The following RP1 variants were observed in gnomAD, a reference collection of about 807,000 sequenced individuals.
RP1 encodes RP1 axonemal microtubule associated, also known as oxygen-regulated protein 1.
A neutral mutation model predicts 14.8 loss-of-function variants in RP1; 16 were observed. The observed-to-expected ratio is 1.08, with a 90% CI of 0.73 to 1.65. The LOEUF (loss-of-function observed/expected upper bound fraction) is 1.65, where lower values mean the gene tolerates loss of function less well. Ranked by LOEUF, RP1 falls within the 40% of genes most tolerant of loss-of-function variation. The probability of loss-of-function intolerance (pLI) is 0.00; values close to 1 mark genes in which losing one functional copy is unlikely to be tolerated. For missense variants in RP1, 2,631 were observed against 2,535.0 expected (o/e 1.04, Z -0.81); for synonymous variants, 876 against 883.6 (o/e 0.99, Z 0.15).
chr8:54,727,090 A>G (rs1449670554), intron 17 of RP1, among the ~76,000 whole-genome samples: 1 of 152,148 alleles, frequency 6.6e-6, no homozygotes, highest in Non-Finnish European at 1.5e-5. Context: ...TGGGAGACAG[A>G]TAAATTATAA....
At chr8:54,692,287 G>T (rs1000163653) in intron 12 of RP1, among the ~76,000 whole-genome samples, 25 of 149,426 alleles carry the variant, frequency 1.7e-4, no homozygotes, top group Non-Finnish European at 3.3e-4. Flanking sequence ...ACATGTGCAT[G>T]TGTCTTTATA....
intron 23 of RP1, among the ~76,000 whole-genome samples, chr8:54,777,088 G>C: frequency 6.6e-6 from 1 of 152,248 alleles, no homozygotes; most frequent in South Asian, 2.1e-4. Flanking sequence ...GTTTCTTTCC[G>C]ATAAAATGTA....
intron 24 of RP1, among the ~76,000 whole-genome samples, chr8:54,822,452 T>G (rs1811279469): frequency 6.6e-6 from 1 of 152,234 alleles, no homozygotes; most frequent in East Asian, 1.9e-4. Flanking sequence ...TATTAACAAT[T>G]TAGTTTAAAT....
In RP1 at chr8:54,734,137, T is replaced by C. The variant is rs7004167; in HGVS notation, c.2522-408T>C. Among the ~76,000 whole-genome samples, 773 of 152,296 alleles carry C rather than the reference T, an allele frequency of 5.1e-3. 10 individuals are homozygous for C. Among genetic ancestry groups the C allele is most frequent in the African/African-American group, 0.018 (739 of 41,550 alleles). On this transcript the variant is annotated intron_variant, in intron 17 of 22. Coordinates refer to the RP1 transcript ENST00000636932. ...CTCAATTTGCCACTTACCTATTTTA[T>C]GTGAAAACATGTTTTAATTCCCCTT...
rs1421078876 is a variant in RP1, at chr8:54,625,931, C to T, written c.2049C>T (p.Ser683=). Residue 683 remains serine, a synonymous_variant, in exon 4 of 4, where the codon TCC becomes TCT. Transcript: ENST00000220676. ...KKKSRQQAIN[S]RYQDGQLATK... ...AATCTCGACAGCAAGCAATAAATTC[C>T]AGGTATCAAGATGGACAGCTTGCAA... 1.2e-6 allele frequency: 2 copies of T among 1,613,856 alleles called. No homozygotes were observed. Among genetic ancestry groups the T allele is most frequent in the East Asian group, 2.2e-5 (1 of 44,840 alleles).
chr8:54,651,727 T>C (rs1806658532), intron 4 of RP1, among the ~76,000 whole-genome samples: 1 of 152,190 alleles, frequency 6.6e-6, no homozygotes, highest in African/African-American at 2.4e-5. Context: ...GTTGTTTTTA[T>C]ATTCTCCCTT....
intron 24 of RP1, among the ~76,000 whole-genome samples, chr8:54,831,879 A>T (rs895830627): frequency 1.3e-5 from 2 of 151,558 alleles, no homozygotes; most frequent in African/African-American, 4.8e-5. Flanking sequence ...TAATGAAAAG[A>T]TGTTCATTTT....
chr8:54,862,126 A>G (rs780002160), intron 27 of RP1, among the ~76,000 whole-genome samples: 1 of 152,148 alleles, frequency 6.6e-6, no homozygotes, highest in Admixed American at 6.5e-5. Flanking sequence ...TCAGGCCCCA[A>G]ATGTCAGCAG....
intron 14 of RP1, chr8:54,706,357 A>G (rs1808149223): frequency 7.5e-7 from 1 of 1,334,280 alleles, no homozygotes; most frequent in African/African-American, 1.5e-5. Flanking sequence ...TGGCTTCAGT[A>G]AGAGAATTGC....
chr8:54,813,735 AG>A (rs1811069514), intron 24 of RP1, among the ~76,000 whole-genome samples: 1 of 152,228 alleles, frequency 6.6e-6, no homozygotes, highest in Non-Finnish European at 1.5e-5. Context: ...GTGTCTACAC[AG>A]GGGGCGAGTA....
intron 12 of RP1, among the ~76,000 whole-genome samples, chr8:54,688,445 G>A (rs1387376038): frequency 1.3e-5 from 2 of 152,054 alleles, no homozygotes; most frequent in Non-Finnish European, 2.9e-5. Flanking sequence ...TATGGTTTTA[G>A]GTCTAACATT....
intron 12 of RP1, among the ~76,000 whole-genome samples, chr8:54,682,854 T>C (rs538314374): frequency 6.6e-6 from 1 of 152,310 alleles, no homozygotes; most frequent in Admixed American, 6.5e-5. Flanking sequence ...TTTGGTGTAA[T>C]TTTGTTGCCA....
At chr8:54,835,943 C>T (rs10086988) in intron 24 of RP1, among the ~76,000 whole-genome samples, 46,171 of 151,922 alleles carry the variant, frequency 0.3, 7,221 homozygotes, top group South Asian at 0.37. Context: ...ATTTTTTCTA[C>T]GTGATAGAAT....
At chr8:54,571,122 C>T (rs1458936770) in intron 1 of RP1, among the ~76,000 whole-genome samples, 1 of 151,510 alleles carries the variant, frequency 6.6e-6, no homozygotes, top group African/African-American at 2.4e-5. Context: ...GCCCTGTGAG[C>T]TCTGCACTGG....
At chr8:54,600,659 G>A (rs140711032) in intron 1 of RP1, among the ~76,000 whole-genome samples, 101 of 152,220 alleles carry the variant, frequency 6.6e-4, no homozygotes, top group Non-Finnish European at 1.1e-3. Context: ...GGCACAGGTC[G>A]AGGCTTCCCA....
chr8:54,715,779 A>G (rs928081347), intron 15 of RP1, among the ~76,000 whole-genome samples: 1 of 152,222 alleles, frequency 6.6e-6, no homozygotes, highest in Non-Finnish European at 1.5e-5. Flanking sequence ...GTTAACAGAT[A>G]CTGAGTTTCT....
chr8:54,628,061 C>G lies in RP1; in HGVS notation c.4179C>G (p.Val1393=). 6.2e-7 allele frequency: 1 copy of G among 1,613,966 alleles called. No homozygotes were observed. The highest frequency in any genetic ancestry group is 1.1e-5 in the South Asian group (1 of 91,038). The change falls in exon 4 of 4, where the codon GTC becomes GTG. Residue 1393 remains valine (V), a synonymous_variant. Coordinates refer to ENST00000220676, the MANE Select transcript of RP1 (RefSeq NM_006269.2). ...GFNTLVSHQN[V]SNLSSCGLCL... is the part of the protein sequence containing the mutation. ...ATACATTGGTGTCACATCAAAATGT[C>G]AGTAATTTAAGCTCCTGTGGCCTTT...
intron 14 of RP1, among the ~76,000 whole-genome samples, chr8:54,701,949 T>G (rs1390051128): frequency 6.6e-6 from 1 of 152,210 alleles, no homozygotes; most frequent in Admixed American, 6.6e-5. Flanking sequence ...ACCTTGCATT[T>G]GGGAGTCAAA....
At chr8:54,581,989 A>G (rs1381128387) in intron 1 of RP1, among the ~76,000 whole-genome samples, 4 of 152,160 alleles carry the variant, frequency 2.6e-5, no homozygotes, top group South Asian at 2.1e-4. Flanking sequence ...TCTGCTGTGC[A>G]GAAGCTCTTT....
Sources: gnomAD v4.1 joint callset for allele counts (sites outside exome capture counted in the v4.1 genomes callset) on GRCh38, gnomAD v4.1.1 for gene constraint, MANE v1.5 for transcripts, NCBI Gene and HGNC (gene_info 2026-07-23, HGNC 2026-07-21) for gene names.